NAALADL2: variants seen among roughly 807,000 people sequenced by gnomAD.
NAALADL2 encodes the protein N-acetylated alpha-linked acidic dipeptidase like 2.
NAALADL2 carries 76 observed loss-of-function variants against 87.2 expected under a neutral mutation model. The ratio of observed to expected loss-of-function variants is 0.87; its 90% CI spans 0.72 to 1.05. NAALADL2 has a LOEUF of 1.05. NAALADL2 is among the 50% of genes least tolerant of loss of function. The probability of loss-of-function intolerance (pLI) is 0.00; values close to 1 mark genes in which losing one functional copy is unlikely to be tolerated. For missense variants in NAALADL2, 1,089 were observed against 945.8 expected, an observed-to-expected ratio of 1.15 and a Z score of -1.99; for synonymous variants, 354 against 331.0, an observed-to-expected ratio of 1.07 and a Z score of -0.75.
intron 11 of NAALADL2, among the ~76,000 whole-genome samples, chr3:175,647,969 C>A (rs770481162): frequency 2.0e-5 from 3 of 152,138 alleles, no homozygotes; most frequent in Non-Finnish European, 2.9e-5. Context: ...TCTGGGGTAC[C>A]CCCAGTAGAT....
intron 11 of NAALADL2, among the ~76,000 whole-genome samples, chr3:175,650,238 T>C (rs1393566802): frequency 1.3e-5 from 2 of 152,148 alleles, no homozygotes; most frequent in Non-Finnish European, 2.9e-5. Context: ...TATTGAATGA[T>C]TGGATTTGTA....
At chr3:175,583,609 T>G (rs538087087) in intron 10 of NAALADL2, among the ~76,000 whole-genome samples, 5 of 152,264 alleles carry the variant, frequency 3.3e-5, no homozygotes, top group African/African-American at 1.2e-4. Context: ...TTTTAAAAGT[T>G]TTAAACAAGA....
intron 3 of NAALADL2, among the ~76,000 whole-genome samples, chr3:174,844,394 C>A (rs1213312723): frequency 6.6e-6 from 1 of 152,062 alleles, no homozygotes; most frequent in African/African-American, 2.4e-5. Context: ...GTTACTATAG[C>A]CTTGTGGTAT....
intron 11 of NAALADL2, among the ~76,000 whole-genome samples, chr3:175,640,713 C>T (rs1369296831): frequency 6.6e-6 from 1 of 152,132 alleles, no homozygotes; most frequent in African/African-American, 2.4e-5. Context: ...TTCTGTCACA[C>T]AATCAATGTT....
intron 1 of NAALADL2, among the ~76,000 whole-genome samples, chr3:174,884,894 T>G (rs1334922998): frequency 1.3e-5 from 2 of 151,998 alleles, no homozygotes; most frequent in Non-Finnish European, 2.9e-5. Flanking sequence ...ACAGGAGTGT[T>G]GGGGGTGGCT....
chr3:174,947,784 ATTC>A (rs1041311858), intron 1 of NAALADL2, among the ~76,000 whole-genome samples: 1 of 152,042 alleles, frequency 6.6e-6, no homozygotes, highest in African/African-American at 2.4e-5. Flanking sequence ...ATGTGCACAC[ATTC>A]TTCTGTATGT....
At chr3:175,664,544 A>C (rs986576574) in intron 11 of NAALADL2, among the ~76,000 whole-genome samples, 1 of 152,160 alleles carries the variant, frequency 6.6e-6, no homozygotes, top group Admixed American at 6.5e-5. Context: ...ACTCCTGACC[A>C]CACAGATTGA....
intron 6 of NAALADL2, among the ~76,000 whole-genome samples, chr3:175,449,724 C>A (rs1721267266): frequency 6.6e-6 from 1 of 152,096 alleles, no homozygotes; most frequent in South Asian, 2.1e-4. Flanking sequence ...AGAATAATGT[C>A]CTTGCAAAGC....
intron 5 of NAALADL2, among the ~76,000 whole-genome samples, chr3:175,346,738 A>G (rs1246741172): frequency 6.6e-6 from 1 of 152,176 alleles, no homozygotes; most frequent in Non-Finnish European, 1.5e-5. Flanking sequence ...TTCACAGATA[A>G]AGAAACTGAG....
chr3:174,591,523 G>T (rs1254809672), intron 2 of NAALADL2, among the ~76,000 whole-genome samples: 6 of 152,148 alleles, frequency 3.9e-5, no homozygotes, highest in African/African-American at 9.7e-5. Context: ...GATGGAGCAT[G>T]AAATGAAAAC....
intron 9 of NAALADL2, among the ~76,000 whole-genome samples, chr3:175,557,966 G>A (rs140808301): frequency 0.01 from 1,530 of 151,860 alleles, 23 homozygotes; most frequent in African/African-American, 0.033. Flanking sequence ...AGGCTGAGGC[G>A]GACAGATCAC....
intron 5 of NAALADL2, among the ~76,000 whole-genome samples, chr3:175,382,260 A>G (rs1450312201): frequency 6.6e-6 from 1 of 152,156 alleles, no homozygotes; most frequent in East Asian, 1.9e-4. Context: ...AAACAGTATG[A>G]CATTATTTTA....
chr3:175,181,769 G>GTATATATATA (rs1736583629), intron 2 of NAALADL2, among the ~76,000 whole-genome samples: 1 of 133,560 alleles, frequency 7.5e-6, no homozygotes, highest in African/African-American at 2.9e-5. Flanking sequence ...GTATATATGT[G>GTATATATATA]TGTATATATG....
intron 1 of NAALADL2, among the ~76,000 whole-genome samples, chr3:174,932,523 A>G (rs942858723): frequency 6.6e-6 from 1 of 152,136 alleles, no homozygotes; most frequent in Non-Finnish European, 1.5e-5. Context: ...CTGCAATTTA[A>G]TGATATTAAA....
At chr3:175,128,699 C>T (rs1022063238) in intron 2 of NAALADL2, among the ~76,000 whole-genome samples, 2 of 152,066 alleles carry the variant, frequency 1.3e-5, no homozygotes, top group East Asian at 1.9e-4. Context: ...AGCTCCAGTG[C>T]ATTCTTTTCA....
intron 1 of NAALADL2, among the ~76,000 whole-genome samples, chr3:175,039,243 T>G (rs1275765265): frequency 1.3e-5 from 2 of 152,198 alleles, no homozygotes; most frequent in African/African-American, 2.4e-5. Context: ...CTCGGCTCAC[T>G]GCAACCTCTG....
intron 2 of NAALADL2, among the ~76,000 whole-genome samples, chr3:175,160,758 G>A (rs1295361499): frequency 6.6e-6 from 1 of 152,050 alleles, no homozygotes; most frequent in Non-Finnish European, 1.5e-5. Context: ...ATCTGGAATA[G>A]TCTCTAAGAG....
chr3:174,958,207 T>A (rs1048311100), intron 1 of NAALADL2, among the ~76,000 whole-genome samples: 1 of 151,158 alleles, frequency 6.6e-6, no homozygotes, highest in African/African-American at 2.4e-5. Context: ...CTAATCAATT[T>A]ATATATATAA....
intron 11 of NAALADL2, among the ~76,000 whole-genome samples, chr3:175,734,461 G>T (rs1434058781): frequency 6.6e-6 from 1 of 152,138 alleles, no homozygotes; most frequent in African/African-American, 2.4e-5. Context: ...GGAGGGTGAG[G>T]CAGGAGAATG....
Sources: allele counts gnomAD v4.1 joint callset (sites outside exome capture counted in the v4.1 genomes callset), GRCh38; gene constraint gnomAD v4.1.1; transcripts MANE v1.5; gene names NCBI Gene and HGNC (gene_info 2026-07-23, HGNC 2026-07-21).